WNT7A: variants seen among roughly 807,000 people sequenced by gnomAD.
WNT7A encodes the protein protein Wnt-7a.
A neutral mutation model predicts 28.2 loss-of-function variants in WNT7A; 16 were observed. That is an observed-to-expected ratio of 0.57 (90% CI 0.38 to 0.86). The LOEUF (loss-of-function observed/expected upper bound fraction) is 0.86. WNT7A is among the 40% of genes least tolerant of loss of function. The probability of loss-of-function intolerance (pLI) is 0.00; values close to 1 mark genes in which losing one functional copy is unlikely to be tolerated. For missense variants in WNT7A, 411 were observed against 489.7 expected, an observed-to-expected ratio of 0.84 and a Z score of 1.52; for synonymous variants, 190 against 195.9, an observed-to-expected ratio of 0.97 and a Z score of 0.25.
At chr3:13,830,714 T>A (rs1389349119) in intron 3 of WNT7A, among the ~76,000 whole-genome samples, 2 of 152,142 alleles carry the variant, frequency 1.3e-5, no homozygotes, top group Non-Finnish European at 2.9e-5. Context: ...GGAGGCCCCT[T>A]TTCCCCAAGC....
At chr3:13,862,556 G>A (rs1188665183) in intron 2 of WNT7A, among the ~76,000 whole-genome samples, 1 of 152,246 alleles carries the variant, frequency 6.6e-6, no homozygotes, top group Non-Finnish European at 1.5e-5. Flanking sequence ...CAGCCCCGTG[G>A]CATGGCAGTT....
chr3:13,845,000 C>T (rs1002343001), intron 3 of WNT7A, among the ~76,000 whole-genome samples: 2 of 152,214 alleles, frequency 1.3e-5, no homozygotes, highest in Non-Finnish European at 2.9e-5. Context: ...CGGTGTGCGT[C>T]TTTTGACTTG....
rs568644912 is a variant in WNT7A, at chr3:13,879,939, C to A, written c.-123G>T. 2.7e-3 allele frequency: 1,834 copies of A among 685,758 alleles called. 18 individuals carry two copies. Among genetic ancestry groups the A allele is most frequent in the Non-Finnish European group, 9.5e-4 (454 of 477,782 alleles). 42.5% of individuals were successfully genotyped at this position (685,758 alleles called of 1,614,324 possible). On this transcript the variant is annotated 5_prime_UTR_variant, in exon 1 of 4. Coordinates refer to ENST00000285018, the MANE Select transcript of WNT7A (RefSeq NM_004625.4). ...CCGAGGCGTCCCCGGGGCCGTCTGTCGGTGCGCCCGTCCGCGCGCTCCGCG... is the reference window on the plus strand; with the variant it reads ...CCGAGGCGTCCCCGGGGCCGTCTGTAGGTGCGCCCGTCCGCGCGCTCCGCG...
At chr3:13,856,987 G>GAGAAGGAGAAGA (rs1694755894) in intron 2 of WNT7A, among the ~76,000 whole-genome samples, 2 of 71,598 alleles carry the variant, frequency 2.8e-5, no homozygotes, top group African/African-American at 1.5e-4. Context: ...GAAGAAGAAG[G>GAGAAGGAGAAGA]AGAAGAAGAA....
At chr3:13,876,680 C>G (rs948771565) in intron 1 of WNT7A, among the ~76,000 whole-genome samples, 1 of 152,146 alleles carries the variant, frequency 6.6e-6, no homozygotes, top group Non-Finnish European at 1.5e-5. Context: ...CCTGCCGTTT[C>G]CCTAGGCTCC....
chr3:13,853,608 G>A (rs1694676551), intron 3 of WNT7A, among the ~76,000 whole-genome samples: 1 of 152,198 alleles, frequency 6.6e-6, no homozygotes, highest in Non-Finnish European at 1.5e-5. Flanking sequence ...CACTGAGATT[G>A]GTCTTACAGC....
chr3:13,852,521 A>T (rs1244457415), intron 3 of WNT7A, among the ~76,000 whole-genome samples: 1 of 152,160 alleles, frequency 6.6e-6, no homozygotes, highest in East Asian at 1.9e-4. Context: ...CGGAACAAGG[A>T]GTGGGTCATA....
At chr3:13,862,678 C>T (rs549102029) in intron 2 of WNT7A, among the ~76,000 whole-genome samples, 45 of 152,240 alleles carry the variant, frequency 3.0e-4, no homozygotes, top group South Asian at 1.0e-3. Context: ...TGTGTCTGGG[C>T]GGAGCTTGGT....
intron 3 of WNT7A, among the ~76,000 whole-genome samples, chr3:13,834,456 C>T (rs564089701): frequency 1.1e-4 from 16 of 152,086 alleles, no homozygotes; most frequent in South Asian, 2.1e-4. Context: ...TGCTGGGAGT[C>T]GGGTGTACGG....
intron 2 of WNT7A, among the ~76,000 whole-genome samples, chr3:13,868,587 A>G (rs1472280882): frequency 6.6e-5 from 1 of 15,208 alleles, no homozygotes; most frequent in African/African-American, 3.5e-4. Context: ...AGAGAGAGAG[A>G]GAGGGAGAAA....
intron 3 of WNT7A, among the ~76,000 whole-genome samples, chr3:13,833,558 C>A (rs13080685): frequency 6.6e-6 from 1 of 152,068 alleles, no homozygotes; most frequent in South Asian, 2.1e-4. Context: ...CAGCACCACA[C>A]AGTGCAGCCT....
intron 2 of WNT7A, among the ~76,000 whole-genome samples, chr3:13,868,500 G>T (rs1481687164): frequency 1.5e-5 from 2 of 137,680 alleles, no homozygotes; most frequent in African/African-American, 5.4e-5. Context: ...AAGAAAGAAA[G>T]AAAGAAAGAG....
chr3:13,838,422 G>A (rs969676165), intron 3 of WNT7A, among the ~76,000 whole-genome samples: 28 of 152,350 alleles, frequency 1.8e-4, no homozygotes, highest in African/African-American at 6.5e-4. Flanking sequence ...AGAGGAAGAG[G>A]TTTTAAAGTC....
At chr3:13,873,083 G>A (rs906404554) in intron 2 of WNT7A, among the ~76,000 whole-genome samples, 1 of 152,060 alleles carries the variant, frequency 6.6e-6, no homozygotes, top group Non-Finnish European at 1.5e-5. Context: ...AGCAAGGGGA[G>A]GCTCACAAGA....
Position 13,818,192 on chromosome 3 carries a change from G to T in WNT7A, c.*752C>A, listed in dbSNP as rs147243493. On this transcript the variant is annotated 3_prime_UTR_variant, in exon 4 of 4. Coordinates refer to ENST00000285018, the MANE Select transcript of WNT7A (RefSeq NM_004625.4). ...GCTCACTTTCCGAAAGATGGAAACTGCTGGGAATTTATTATTTTTCCTCTC... is the reference window on the plus strand; with the variant it reads ...GCTCACTTTCCGAAAGATGGAAACTTCTGGGAATTTATTATTTTTCCTCTC... 41 of 150,434 alleles carry T rather than the reference G, an allele frequency of 2.7e-4. 1 individual carries two copies. In the East Asian group the frequency reaches 7.8e-3, roughly 29 times the overall value. 9.3% of individuals were successfully genotyped at this position (150,434 alleles called of 1,614,324 possible).
intron 3 of WNT7A, among the ~76,000 whole-genome samples, chr3:13,822,793 C>T (rs901471169): frequency 2.6e-5 from 4 of 152,150 alleles, no homozygotes; most frequent in African/African-American, 9.7e-5. Flanking sequence ...GAAAGCAATA[C>T]CAAGGCTTGC....
intron 3 of WNT7A, among the ~76,000 whole-genome samples, chr3:13,822,127 T>G (rs1479403497): frequency 6.6e-6 from 1 of 152,238 alleles, no homozygotes; most frequent in Non-Finnish European, 1.5e-5. Flanking sequence ...CTTGCACTGC[T>G]GGTGGGCATC....
intron 2 of WNT7A, among the ~76,000 whole-genome samples, chr3:13,866,250 G>A (rs1694908397): frequency 1.3e-5 from 2 of 152,182 alleles, no homozygotes; most frequent in African/African-American, 4.8e-5. Flanking sequence ...TCACAGAGCT[G>A]CCTTCTGGCC....
chr3:13,833,559 A>G (rs1694316371), intron 3 of WNT7A, among the ~76,000 whole-genome samples: 1 of 152,346 alleles, frequency 6.6e-6, no homozygotes, highest in Non-Finnish European at 1.5e-5. Context: ...AGCACCACAC[A>G]GTGCAGCCTC....
Sources: gnomAD v4.1 joint callset for allele counts (sites outside exome capture counted in the v4.1 genomes callset) on GRCh38, gnomAD v4.1.1 for gene constraint, MANE v1.5 for transcripts, NCBI Gene and HGNC (gene_info 2026-07-23, HGNC 2026-07-21) for gene names.